The following FAM110B variants were observed in gnomAD, a reference collection of about 807,000 sequenced individuals.
FAM110B encodes protein FAM110B.
A neutral mutation model predicts 20.4 loss-of-function variants in FAM110B; 6 were observed. That is an observed-to-expected ratio of 0.29 (90% CI 0.16 to 0.58). The LOEUF (loss-of-function observed/expected upper bound fraction) is 0.58, where lower values mean the gene tolerates loss of function less well. Among genes scored for constraint, FAM110B ranks in the 20% least tolerant of loss-of-function variants. The probability of loss-of-function intolerance (pLI) is 0.90; values close to 1 mark genes in which losing one functional copy is unlikely to be tolerated. For synonymous variants in FAM110B, 226 were observed against 214.1 expected, an observed-to-expected ratio of 1.06 and a Z score of -0.49; for missense variants, 434 against 498.2, an observed-to-expected ratio of 0.87 and a Z score of 1.23.
chr8:58,145,520 A>G (rs908176326), intron 3 of FAM110B, among the ~76,000 whole-genome samples: 1 of 152,212 alleles, frequency 6.6e-6, no homozygotes, highest in Admixed American at 6.5e-5. Context: ...ACTCAGTGGC[A>G]TGTAATGAGC....
intron 1 of FAM110B, among the ~76,000 whole-genome samples, chr8:58,009,401 C>T (rs994936165): frequency 5.3e-5 from 8 of 152,142 alleles, no homozygotes; most frequent in African/African-American, 9.7e-5. Context: ...GTAGGGGCCA[C>T]GGGACACGTG....
chr8:58,023,309 C>A (rs1339819910), intron 1 of FAM110B, among the ~76,000 whole-genome samples: 1 of 151,958 alleles, frequency 6.6e-6, no homozygotes, highest in African/African-American at 2.4e-5. Context: ...GTTCCTTACC[C>A]CTATGTTTTT....
chr8:58,101,304 G>T (rs933665027), intron 3 of FAM110B, among the ~76,000 whole-genome samples: 1 of 152,154 alleles, frequency 6.6e-6, no homozygotes, highest in African/African-American at 2.4e-5. Context: ...AACACAATTG[G>T]TGTGAGTGCA....
At chr8:58,045,954 G>A (rs1370374060) in intron 2 of FAM110B, among the ~76,000 whole-genome samples, 1 of 152,142 alleles carries the variant, frequency 6.6e-6, no homozygotes. Flanking sequence ...CTTCTATGTG[G>A]GTTCACAAGG....
At chr8:58,130,977 C>G (rs548594661) in intron 3 of FAM110B, among the ~76,000 whole-genome samples, 9 of 152,342 alleles carry the variant, frequency 5.9e-5, no homozygotes, top group East Asian at 5.8e-4. Context: ...TTTTCATGCT[C>G]TCTGCCTTGT....
At chr8:58,106,927 T>TC (rs1170992851) in intron 3 of FAM110B, among the ~76,000 whole-genome samples, 1 of 152,262 alleles carries the variant, frequency 6.6e-6, no homozygotes, top group African/African-American at 2.4e-5. Flanking sequence ...TAACTGACGA[T>TC]AAGCGAGTTT....
intron 3 of FAM110B, among the ~76,000 whole-genome samples, chr8:58,120,707 A>T (rs1807339009): frequency 6.6e-6 from 1 of 152,214 alleles, no homozygotes; most frequent in Non-Finnish European, 1.5e-5. Flanking sequence ...ATTACCCAAG[A>T]GTTGTGTTCT....
At chr8:58,008,249 C>T (rs944267753) in intron 1 of FAM110B, among the ~76,000 whole-genome samples, 5 of 151,372 alleles carry the variant, frequency 3.3e-5, no homozygotes, top group African/African-American at 7.3e-5. Context: ...TCTCCTGCCT[C>T]AGCTTCCCAA....
At chr8:58,064,387 G>C (rs1805719688) in intron 2 of FAM110B, among the ~76,000 whole-genome samples, 1 of 147,396 alleles carries the variant, frequency 6.8e-6, no homozygotes. Context: ...AGGGGTAAAT[G>C]TATACACTTT....
At chr8:58,071,703 A>C (rs1254979917) in intron 2 of FAM110B, among the ~76,000 whole-genome samples, 1 of 152,298 alleles carries the variant, frequency 6.6e-6, no homozygotes, top group African/African-American at 2.4e-5. Flanking sequence ...TTAAGGGGAA[A>C]AAAAGGAATA....
At position 58,034,143 on chromosome 8, in the gene FAM110B, G is replaced by A. The variant is rs147795168; in HGVS notation, c.-414+2440G>A. 3.9e-3 allele frequency among the ~76,000 whole-genome samples: 599 copies of A among 152,262 alleles called. 2 individuals are homozygous for A. The highest frequency in any genetic ancestry group is 0.013 in the African/African-American group (552 of 41,544). ...GACACAGTGGGCTGCGGTAACTAAG[G>A]GACAGATGACCATTGAATGGGCATG... On this transcript the variant is annotated intron_variant, in intron 2 of 3. Coordinates refer to ENST00000519262, the MANE Select transcript of FAM110B (RefSeq NM_001377989.1).
intron 1 of FAM110B, among the ~76,000 whole-genome samples, chr8:58,005,695 GC>G (rs1290274071): frequency 3.3e-5 from 5 of 152,130 alleles, no homozygotes; most frequent in Non-Finnish European, 7.4e-5. Context: ...GACTATTACA[GC>G]CGTTAGCATC....
intron 1 of FAM110B, among the ~76,000 whole-genome samples, chr8:58,029,012 G>A (rs139750908): frequency 2.6e-5 from 4 of 152,316 alleles, no homozygotes; most frequent in Non-Finnish European, 4.4e-5. Flanking sequence ...ACCATCTGGT[G>A]CTTTTCGGTT....
intron 1 of FAM110B, among the ~76,000 whole-genome samples, chr8:58,010,497 C>T (rs2150565508): frequency 6.6e-6 from 1 of 152,316 alleles, no homozygotes; most frequent in Admixed American, 6.5e-5. Flanking sequence ...GAGCCATACT[C>T]TGTTGAGTGA....
chr8:58,057,890 C>A (rs1244348276), intron 2 of FAM110B, among the ~76,000 whole-genome samples: 1 of 152,238 alleles, frequency 6.6e-6, no homozygotes, highest in Non-Finnish European at 1.5e-5. Flanking sequence ...AAATGATTCA[C>A]CTGGTGCTTG....
intron 3 of FAM110B, among the ~76,000 whole-genome samples, chr8:58,107,502 G>A (rs1413732606): frequency 6.6e-6 from 1 of 152,134 alleles, no homozygotes; most frequent in East Asian, 1.9e-4. Flanking sequence ...AACAAGCTGT[G>A]GGATTTATTG....
chr8:58,094,968 A>G (rs1806583850), intron 3 of FAM110B, among the ~76,000 whole-genome samples: 2 of 152,134 alleles, frequency 1.3e-5, no homozygotes, highest in Non-Finnish European at 2.9e-5. Flanking sequence ...TCTTCATGGT[A>G]TAGACTTGGG....
At chr8:58,068,443 T>C (rs917344471) in intron 2 of FAM110B, among the ~76,000 whole-genome samples, 5 of 152,256 alleles carry the variant, frequency 3.3e-5, no homozygotes, top group African/African-American at 9.6e-5. Context: ...TTCACTGGTT[T>C]GTTTCCCAAC....
chr8:58,005,692 A>G (rs1234947086), intron 1 of FAM110B, among the ~76,000 whole-genome samples: 2 of 152,206 alleles, frequency 1.3e-5, no homozygotes, highest in Non-Finnish European at 2.9e-5. Context: ...GATGACTATT[A>G]CAGCCGTTAG....
Sources: gnomAD v4.1 joint callset for allele counts (sites outside exome capture counted in the v4.1 genomes callset) on GRCh38, gnomAD v4.1.1 for gene constraint, MANE v1.5 for transcripts, NCBI Gene and HGNC (gene_info 2026-07-23, HGNC 2026-07-21) for gene names.